LRRC41: variants seen among roughly 807,000 people sequenced by gnomAD.
LRRC41 encodes leucine rich repeat containing 41, also known as leucine-rich repeat-containing protein 41.
Under a neutral mutation model 72.1 loss-of-function variants are expected in LRRC41, and 17 were observed. That is an observed-to-expected ratio of 0.24 (90% CI 0.16 to 0.35). The LOEUF is 0.35. LRRC41 is among the 10% of genes least tolerant of loss of function. The pLI, the probability that LRRC41 is intolerant of heterozygous loss-of-function variation, is 1.00. For missense variants in LRRC41, 759 were observed against 1,065.0 expected (o/e 0.71, Z 4.00); for synonymous variants, 427 against 431.0 (o/e 0.99, Z 0.11).
Position 46,303,316 on chromosome 1 carries a change from C to T in LRRC41, c.7G>A (p.Ala3Thr). MA[A>T]PEAWRARSCW... ...CTCCGGGCGCGCCAGGCCTCGGGCG[C>T]CGCCATCTTGGGGAGGTGCGCGAGC... Residue 3 changes from alanine to threonine, a missense_variant, in exon 1 of 10, where the codon GCG becomes ACG. By Grantham distance (58) the Ala-to-Thr change is moderately conservative. Around this residue, in one of 4 missense-constraint regions of LRRC41, gnomAD observed 106 missense variants for 66.1 expected, o/e 1.60. Coordinates refer to ENST00000617190, the MANE Select transcript of LRRC41 (RefSeq NM_006369.5). The T allele has an allele frequency of 6.6e-7, 1 of 1,525,358 alleles. No individual in the cohort carries two copies. Among genetic ancestry groups the T allele is most frequent in the African/African-American group, 1.4e-5 (1 of 71,788 alleles). The allele number at this position is 1,525,358 out of a possible 1,614,324, so 94.5% of individuals were successfully genotyped here. A position where few individuals can be genotyped will look rare whatever the true frequency, so the allele number is the denominator to read the frequency against.
rs34412540 is a variant in LRRC41 at position 46,283,708 on chromosome 1, CTTTT to C, written c.1495+1650_1495+1653del. On this transcript the variant is annotated intron_variant, in intron 4 of 9. Coordinates refer to ENST00000617190, the MANE Select transcript of LRRC41 (RefSeq NM_006369.5). ...TCTGAATAAACAGAGGAGGAGAAAACTTTTTTTTTTTTTTTGAGATGGAGTCTCA... is the reference window on the plus strand; with the variant it reads ...TCTGAATAAACAGAGGAGGAGAAAACTTTTTTTTTTTGAGATGGAGTCTCA... Among the ~76,000 whole-genome samples, 57 of 143,414 alleles carry C rather than the reference CTTTT, an allele frequency of 4.0e-4. 1 individual carries two copies. Among genetic ancestry groups the C allele is most frequent in the African/African-American group, 1.3e-3 (53 of 39,516 alleles). 94.1% of individuals were successfully genotyped at this position (143,414 alleles called of 152,430 possible).
At chr1:46,294,521 CTGGAGTAGCTGGGATTATAGATGTCAG>C in intron 3 of LRRC41, among the ~76,000 whole-genome samples, 1 of 151,542 alleles carries the variant, frequency 6.6e-6, no homozygotes, top group Non-Finnish European at 1.5e-5. Flanking sequence ...ACTTCAGCCT[CTGGAGTAGCTGGGATTATAGATGTCAG>C]TCACTGTACC....
chr1:46,279,508 C>A lies in LRRC41; in HGVS notation c.2127G>T (p.Leu709=), dbSNP rs374531199. ...GGCCCCCACCCAGGCGGTTCCCTGG[C>A]AGCCGGAGGCCCTTCAGTGTGGAGT... is the stretch of plus-strand genomic sequence containing the variant. ...KGNSTLKGLR[L]PGNRLGNAGL... Residue 709 remains leucine, a synonymous_variant, in exon 8 of 10, where the codon CTG becomes CTT. Transcript: ENST00000617190. The surrounding 1 kb of genome is among the most constrained non-coding windows in gnomAD (Gnocchi z 4.5). 23 of 1,614,126 alleles carry A rather than the reference C, an allele frequency of 1.4e-5. No homozygotes were observed. In the African/African-American group the frequency reaches 2.0e-4, roughly 14 times the overall value.
In LRRC41 at chr1:46,285,884, G is replaced by A. The variant is rs141427009; in HGVS notation, c.973C>T (p.Arg325Trp). 91 of 1,561,522 alleles carry A rather than the reference G, an allele frequency of 5.8e-5. No individual in the cohort carries two copies. The highest frequency in any genetic ancestry group is 7.5e-5 in the Non-Finnish European group (87 of 1,156,532). ...GCTGTCAGGCTCTCCTGTGTGCTCC[G>A]GCGTGTTACCCGAGTGGCAGGTGCA... ...RAAPATRVTR[R>W]STQESLTAGG... The change falls in exon 4 of 10, where the codon CGG (arginine) becomes TGG (tryptophan). Residue 325 changes from arginine (R) to tryptophan (W), a missense_variant. Arg to Trp is a moderately radical substitution (Grantham distance 101). Transcript: ENST00000617190. This position sits in a 1 kb window ranked among gnomAD's most constrained non-coding sequence, Gnocchi z 5.3.
At chr1:46,292,819 C>T (rs1661045256) in intron 3 of LRRC41, among the ~76,000 whole-genome samples, 2 of 151,944 alleles carry the variant, frequency 1.3e-5, no homozygotes, top group African/African-American at 4.8e-5. Flanking sequence ...AATACAAAGT[C>T]CTGAAGATAG....
Position 46,285,344 on chromosome 1 carries a change from C to T in LRRC41, c.1495+18G>A. 1 of 1,612,822 alleles carries T rather than the reference C, an allele frequency of 6.2e-7. No individual in the cohort carries two copies. Among genetic ancestry groups the T allele is most frequent in the Non-Finnish European group, 8.5e-7 (1 of 1,179,402 alleles). ...CTAGGCAATCTAAGCCCAATCCCTG[C>T]CACTCCAGGGTGCTCACCATTGTAG... On this transcript the variant is annotated intron_variant, in intron 4 of 9. Transcript: ENST00000617190. The surrounding 1 kb of genome is among the most constrained non-coding windows in gnomAD (Gnocchi z 5.3).
chr1:46,282,726 G>A (rs1280959912), intron 4 of LRRC41, among the ~76,000 whole-genome samples: 1 of 151,960 alleles, frequency 6.6e-6, no homozygotes, highest in Non-Finnish European at 1.5e-5. Context: ...GTGAAGGGGG[G>A]AAGCATTCAA....
chr1:46,284,327 G>A (rs1640884280), intron 4 of LRRC41: 1 of 152,170 alleles, frequency 6.6e-6, no homozygotes, highest in Admixed American at 6.6e-5. Context: ...GGTTGCCTGG[G>A]TTTTGAATCC....
rs1661292784 is a variant in LRRC41 at position 46,303,463 on chromosome 1, C to G, written c.-141G>C. 2 of 871,680 alleles carry G rather than the reference C, an allele frequency of 2.3e-6. No individual in the cohort carries two copies. The highest frequency in any genetic ancestry group is 3.0e-5 in the Admixed American group (1 of 33,556). 54.0% of individuals were successfully genotyped at this position (871,680 alleles called of 1,614,324 possible). On this transcript the variant is annotated 5_prime_UTR_variant, in exon 1 of 10. Transcript: ENST00000617190. ...ATTTCGAAGAAATTAGCACACTTTC[C>G]AAGTCTCTTAGGAGCTACTATTTTA...
At chr1:46,297,935 G>A (rs972176556) in intron 2 of LRRC41, among the ~76,000 whole-genome samples, 2 of 152,164 alleles carry the variant, frequency 1.3e-5, no homozygotes, top group African/African-American at 4.8e-5. Context: ...AAGTGCCTAG[G>A]ACAATGCTTG....
intron 7 of LRRC41, 100 bp downstream of exon 7, chr1:46,280,092 G>A: frequency 2.3e-6 from 2 of 888,546 alleles, no homozygotes; most frequent in East Asian, 2.4e-5. Flanking sequence ...TATAGCTGAG[G>A]ACACAAGGCC....
Position 46,280,238 on chromosome 1 carries a change from G to A in LRRC41, c.1974C>T (p.Asp658=), listed in dbSNP as rs1207596928. Reference sequence around the variant, plus strand: ...GCAAAAAGAGCACCTCGCTCTGACAGTCAGCGAGATTCATGTCATGGAAGC... The same window carrying A: ...GCAAAAAGAGCACCTCGCTCTGACAATCAGCGAGATTCATGTCATGGAAGC... ...RLSFHDMNLA[D]CQSEVLFLLQ... The change falls in exon 7 of 10, where the codon GAC becomes GAT. Residue 658 remains aspartate, a synonymous_variant. Coordinates refer to ENST00000617190, the MANE Select transcript of LRRC41 (RefSeq NM_006369.5). The A allele has an allele frequency of 8.7e-6, 14 of 1,614,158 alleles. No individual in the cohort carries two copies. The Middle Eastern group carries it at 4.9e-4, about 57-fold the overall frequency.
Position 46,302,943 on chromosome 1 carries a change from C to T in LRRC41, c.199+181G>A. ...TGCGGGTCAGCCTGCCCATTTAGGT[C>T]TCCGTCTTTACTCTGTCCAGCCCTG... On this transcript the variant is annotated intron_variant, in intron 1 of 9. Coordinates refer to ENST00000617190, the MANE Select transcript of LRRC41 (RefSeq NM_006369.5). This position sits in a 1 kb window ranked among gnomAD's most constrained non-coding sequence, Gnocchi z 4.7. 4 of 985,332 alleles carry T rather than the reference C, an allele frequency of 4.1e-6. No individual in the cohort carries two copies. Among genetic ancestry groups the T allele is most frequent in the Non-Finnish European group, 4.8e-6 (4 of 829,878 alleles). The allele number at this position is 985,332 out of a possible 1,614,324, so 61.0% of individuals were successfully genotyped here.
Position 46,303,437 on chromosome 1 carries a change from A to C in LRRC41, c.-115T>G. ...GGAAGAATGTGAATTATTCTAAAGA[A>C]ATTTCGAAGAAATTAGCACACTTTC... is the stretch of plus-strand genomic sequence containing the variant. On this transcript the variant is annotated 5_prime_UTR_variant, in exon 1 of 10. In the 5' UTR this introduces an upstream ATG that the reference lacks. Coordinates refer to ENST00000617190, the MANE Select transcript of LRRC41 (RefSeq NM_006369.5). 2 of 1,056,992 alleles carry C rather than the reference A, an allele frequency of 1.9e-6. No individual in the cohort carries two copies. Among genetic ancestry groups the C allele is most frequent in the Non-Finnish European group, 2.6e-6 (2 of 759,244 alleles). The allele number at this position is 1,056,992 out of a possible 1,614,324, so 65.5% of individuals were successfully genotyped here.
Position 46,285,649 on chromosome 1 carries a change from C to A in LRRC41, c.1208G>T (p.Arg403Leu), listed in dbSNP as rs371994339. ...TTCAGACTCTGCACCAGGCCCCTGA[C>A]GGGTGCGAGCACCCTTCTTCCCTGC... ...RAAGKKGART[R>L]QGPGAESEDL... The change falls in exon 4 of 10, where the codon CGT becomes CTT. Residue 403 changes from arginine (R) to leucine (L), a missense_variant. Coordinates refer to ENST00000617190, the MANE Select transcript of LRRC41 (RefSeq NM_006369.5). The surrounding 1 kb of genome is among the most constrained non-coding windows in gnomAD (Gnocchi z 5.3). The A allele has an allele frequency of 1.2e-6, 2 of 1,614,148 alleles. No homozygotes were observed. Among genetic ancestry groups the A allele is most frequent in the Admixed American group, 3.3e-5 (2 of 60,006 alleles).
At chr1:46,280,102 CA>C (rs1660739692) in intron 7 of LRRC41, 89 bp downstream of exon 7, 1 of 1,010,068 alleles carries the variant, frequency 9.9e-7, no homozygotes, top group African/African-American at 1.6e-5. Context: ...GACACAAGGC[CA>C]AGAAAGGAAC....
At chr1:46,287,095 A>T (rs1660900165) in intron 3 of LRRC41, among the ~76,000 whole-genome samples, 1 of 148,624 alleles carries the variant, frequency 6.7e-6, no homozygotes, top group Admixed American at 6.7e-5. Flanking sequence ...GAGTCACCGC[A>T]CCTAGCCCCT....
Position 46,302,269 on chromosome 1 carries a change from C to T in LRRC41, c.199+855G>A, listed in dbSNP as rs1661251259. 1 of 985,364 alleles carries T rather than the reference C, an allele frequency of 1.0e-6. No homozygotes were observed. Among genetic ancestry groups the T allele is most frequent in the Non-Finnish European group, 1.2e-6 (1 of 829,890 alleles). The allele number at this position is 985,364 out of a possible 1,614,324, so 61.0% of individuals were successfully genotyped here. ...CGGCAGTCCGGGATCCCCGGGCCGT[C>T]GCCCCGCTTGGGGCCTCCTTGGCCC... is the stretch of plus-strand genomic sequence containing the variant. On this transcript the variant is annotated intron_variant, in intron 1 of 9. Coordinates refer to ENST00000617190, the MANE Select transcript of LRRC41 (RefSeq NM_006369.5). The surrounding 1 kb of genome is among the most constrained non-coding windows in gnomAD (Gnocchi z 4.7).
rs146637561 is a variant in LRRC41, at chr1:46,281,377, A to G, written c.1504T>C (p.Ser502Pro). Residue 502 changes from serine to proline, a missense_variant, in exon 5 of 10, where the codon TCT becomes CCT. Ser to Pro is a moderately conservative substitution (Grantham distance 74). Transcript: ENST00000617190. ...CTGTCTAGCAGGCGGAAGATGTTAGAGCCCAGGCCTATGGCAAGAAAGAGA... is the reference window on the plus strand; with the variant it reads ...CTGTCTAGCAGGCGGAAGATGTTAGGGCCCAGGCCTATGGCAAGAAAGAGA... ...SLTLSYNGLG[S>P]NIFRLLDSLR... 123 of 1,614,002 alleles carry G rather than the reference A, an allele frequency of 7.6e-5. No homozygotes were observed. Among genetic ancestry groups the G allele is most frequent in the Non-Finnish European group, 1.0e-4 (118 of 1,179,986 alleles).
Sources: allele counts gnomAD v4.1 joint callset (sites outside exome capture counted in the v4.1 genomes callset), GRCh38; gene constraint gnomAD v4.1.1; regional missense constraint gnomAD v4.1.1; non-coding constraint Gnocchi (gnomAD v3.1); transcripts MANE v1.5; gene names NCBI Gene and HGNC (gene_info 2026-07-23, HGNC 2026-07-21).